SLMAP: variants seen among roughly 807,000 people sequenced by gnomAD.
SLMAP encodes the protein sarcolemma associated protein.
A neutral mutation model predicts 128.8 loss-of-function variants in SLMAP; 44 were observed. That is an observed-to-expected ratio of 0.34 (90% CI 0.27 to 0.44). SLMAP has a LOEUF of 0.44. SLMAP is among the 20% of genes least tolerant of loss of function. The pLI is 1.00. For missense variants in SLMAP, 787 were observed against 985.3 expected, an observed-to-expected ratio of 0.80 and a Z score of 2.69; for synonymous variants, 327 against 348.8, an observed-to-expected ratio of 0.94 and a Z score of 0.70.
At chr3:57,893,523 C>G (rs1351537103) in intron 15 of SLMAP, among the ~76,000 whole-genome samples, 2 of 152,020 alleles carry the variant, frequency 1.3e-5, no homozygotes, top group African/African-American at 2.4e-5. Context: ...TTGGCCCTAC[C>G]TTTAAGGCAA....
chr3:57,877,761 C>T (rs1391611339), intron 14 of SLMAP, among the ~76,000 whole-genome samples: 2 of 151,326 alleles, frequency 1.3e-5, no homozygotes, highest in African/African-American at 2.4e-5. Context: ...GATCTGTTTC[C>T]ATATTCTTGA....
intron 17 of SLMAP, among the ~76,000 whole-genome samples, chr3:57,906,671 AAAAAT>A (rs58574235): frequency 0.054 from 1,505 of 27,810 alleles, 34 homozygotes; most frequent in African/African-American, 0.12. Flanking sequence ...AATATGAAAA[AAAAAT>A]ATATATATAT....
At chr3:57,918,970 A>T (rs1466736657) in intron 22 of SLMAP, among the ~76,000 whole-genome samples, 2 of 152,250 alleles carry the variant, frequency 1.3e-5, no homozygotes, top group Admixed American at 6.5e-5. Flanking sequence ...AGAAAGCAAG[A>T]TGGAGCAAAA....
intron 2 of SLMAP, among the ~76,000 whole-genome samples, chr3:57,769,415 G>A (rs964822033): frequency 1.3e-5 from 2 of 151,978 alleles, no homozygotes; most frequent in African/African-American, 4.8e-5. Context: ...GGATGGTCTC[G>A]ATCTCCTGAC....
intron 2 of SLMAP, among the ~76,000 whole-genome samples, chr3:57,777,448 A>G (rs2082162998): frequency 6.6e-6 from 1 of 152,076 alleles, no homozygotes; most frequent in African/African-American, 2.4e-5. Flanking sequence ...AGCCAGGCGC[A>G]GTGGCACTTG....
chr3:57,877,831 CTTTTTTT>C (rs57685937), intron 14 of SLMAP, among the ~76,000 whole-genome samples: 22 of 111,684 alleles, frequency 2.0e-4, no homozygotes, highest in African/African-American at 2.7e-4. Flanking sequence ...TTTTTTCCTT[CTTTTTTT>C]TTTTTTTTTT....
intron 3 of SLMAP, among the ~76,000 whole-genome samples, chr3:57,838,254 G>C (rs1218946497): frequency 1.3e-5 from 2 of 152,168 alleles, no homozygotes; most frequent in Non-Finnish European, 2.9e-5. Flanking sequence ...GCTATTTATA[G>C]TGAATGTCTT....
intron 13 of SLMAP, among the ~76,000 whole-genome samples, chr3:57,865,811 C>T (rs1032000144): frequency 6.6e-6 from 1 of 152,122 alleles, no homozygotes; most frequent in Non-Finnish European, 1.5e-5. Flanking sequence ...TTCTGGACAG[C>T]GTGGGTTCTC....
Position 57,841,378 on chromosome 3 carries a change from A to G in SLMAP, c.419+7A>G. 1.3e-6 allele frequency: 2 copies of G among 1,577,726 alleles called. No individual in the cohort carries two copies. The highest frequency in any genetic ancestry group is 1.7e-6 in the Non-Finnish European group (2 of 1,152,094). Reference sequence around the variant, plus strand: ...AAGCCCGGCTCCGCTCAGAGTGAGTATAATTTAGTACTGTGAAGTTTTTGT... The same window carrying G: ...AAGCCCGGCTCCGCTCAGAGTGAGTGTAATTTAGTACTGTGAAGTTTTTGT... On this transcript the variant is annotated splice_region_variant and intron_variant, in intron 4 of 24. Transcript: ENST00000671191.
rs539249173 is a variant in SLMAP at position 57,877,084 on chromosome 3, GTGTT to G, written c.1300+5391_1300+5394del. Among the ~76,000 whole-genome samples the G allele has an allele frequency of 1.3e-4, 19 of 151,510 alleles. No individual in the cohort carries two copies. In the South Asian group the frequency reaches 4.0e-3, roughly 32 times the overall value. Reference sequence around the variant, plus strand: ...AGATCTGAGGATGTATTCTTAATCCGTGTTTGTTATTATTATGAGACTTAACTTT... The same window carrying G: ...AGATCTGAGGATGTATTCTTAATCCGTGTTATTATTATGAGACTTAACTTT... On this transcript the variant is annotated intron_variant, in intron 14 of 24. Coordinates refer to ENST00000671191, the MANE Select transcript of SLMAP (RefSeq NM_001377540.1).
chr3:57,841,863 A>G (rs929056724), intron 4 of SLMAP, among the ~76,000 whole-genome samples: 4 of 152,084 alleles, frequency 2.6e-5, no homozygotes, highest in Non-Finnish European at 5.9e-5. Context: ...TGTATGAAGG[A>G]GTGTAAAGGT....
intron 14 of SLMAP, among the ~76,000 whole-genome samples, chr3:57,882,345 G>A (rs965572931): frequency 2.6e-5 from 4 of 152,144 alleles, no homozygotes; most frequent in Non-Finnish European, 5.9e-5. Context: ...TGAGTCCACT[G>A]AAGAAAACAA....
intron 6 of SLMAP, among the ~76,000 whole-genome samples, chr3:57,854,055 CAT>C: frequency 1.4e-5 from 1 of 71,192 alleles, no homozygotes; most frequent in East Asian, 1.6e-3. Flanking sequence ...ATACACATAA[CAT>C]ATATAACACA....
chr3:57,803,853 C>G (rs1342657666), intron 2 of SLMAP, among the ~76,000 whole-genome samples: 2 of 152,204 alleles, frequency 1.3e-5, no homozygotes, highest in African/African-American at 2.4e-5. Context: ...GTTTCCCTCA[C>G]CCCACTCCAA....
intron 2 of SLMAP, among the ~76,000 whole-genome samples, chr3:57,826,880 A>G (rs1292954232): frequency 6.6e-6 from 1 of 152,132 alleles, no homozygotes; most frequent in African/African-American, 2.4e-5. Flanking sequence ...ATCCTTCTGC[A>G]CAGATGCTGA....
chr3:57,849,590 A>G lies in SLMAP; in HGVS notation c.457-164A>G, dbSNP rs182759440. ...TAAGAAACGGCTATATTTCCGTCAG[A>G]AAAGAAAAAAATTTAAAAGGCTATA... On this transcript the variant is annotated intron_variant, in intron 5 of 24. Coordinates refer to ENST00000671191, the MANE Select transcript of SLMAP (RefSeq NM_001377540.1). 3.6e-4 allele frequency among the ~76,000 whole-genome samples: 55 copies of G among 152,360 alleles called. No homozygotes were observed. In the East Asian group the frequency reaches 9.4e-3, roughly 26 times the overall value.
chr3:57,890,018 G>A, intron 14 of SLMAP, 23 bp from the exon 15 acceptor site: 1 of 1,570,254 alleles, frequency 6.4e-7, no homozygotes, highest in Non-Finnish European at 8.8e-7. Flanking sequence ...GGCTTGGATG[G>A]TAACGTTTAT....
chr3:57,925,487 C>G (rs550896722), intron 23 of SLMAP, among the ~76,000 whole-genome samples: 50 of 151,644 alleles, frequency 3.3e-4, no homozygotes, highest in African/African-American at 1.2e-3. Flanking sequence ...ACCACCATGC[C>G]TGGCTAACTT....
At chr3:57,770,870 C>T (rs2080705561) in intron 2 of SLMAP, among the ~76,000 whole-genome samples, 1 of 151,974 alleles carries the variant, frequency 6.6e-6, no homozygotes. Flanking sequence ...ATCAAAAATG[C>T]CTGAGATCAG....
Sources: allele counts gnomAD v4.1 joint callset (sites outside exome capture counted in the v4.1 genomes callset), GRCh38; gene constraint gnomAD v4.1.1; transcripts MANE v1.5; gene names NCBI Gene and HGNC (gene_info 2026-07-23, HGNC 2026-07-21).